SGCZ: variants seen among roughly 807,000 people sequenced by gnomAD.
SGCZ encodes sarcoglycan zeta.
In SGCZ, 40 loss-of-function variants were observed where a neutral mutation model predicts 41.3. That is an observed-to-expected ratio of 0.97 (90% CI 0.75 to 1.26). The LOEUF is 1.26. SGCZ is among the 50% of genes most tolerant of loss of function. The pLI, the probability that SGCZ is intolerant of heterozygous loss-of-function variation, is 0.00. For synonymous variants in SGCZ, 206 were observed against 137.5 expected (o/e 1.50, Z -3.49); for missense variants, 552 against 369.8 (o/e 1.49, Z -4.04).
At chr8:14,192,845 A>G (rs187660559) in intron 4 of SGCZ, among the ~76,000 whole-genome samples, 2 of 152,252 alleles carry the variant, frequency 1.3e-5, no homozygotes, top group Admixed American at 1.3e-4. Context: ...GCCTGAAATA[A>G]TGTAATAGAA....
At chr8:15,111,715 C>A (rs1465926422) in intron 1 of SGCZ, among the ~76,000 whole-genome samples, 3 of 152,038 alleles carry the variant, frequency 2.0e-5, no homozygotes, top group Non-Finnish European at 2.9e-5. Flanking sequence ...TCCTGGCCAA[C>A]ATGGTGAAAC....
intron 1 of SGCZ, among the ~76,000 whole-genome samples, chr8:14,855,619 T>C (rs535476261): frequency 3.9e-5 from 6 of 152,156 alleles, no homozygotes; most frequent in Non-Finnish European, 4.4e-5. Flanking sequence ...AGGCCAACTC[T>C]AAAAAGTTAT....
At chr8:15,101,021 T>G (rs553895276) in intron 1 of SGCZ, among the ~76,000 whole-genome samples, 1 of 151,748 alleles carries the variant, frequency 6.6e-6, no homozygotes, top group South Asian at 2.1e-4. Flanking sequence ...CCATTTGTAA[T>G]AAAAAACAAA....
chr8:15,171,886 A>T (rs773661723), intron 1 of SGCZ, among the ~76,000 whole-genome samples: 26 of 152,236 alleles, frequency 1.7e-4, no homozygotes, highest in Non-Finnish European at 3.7e-4. Flanking sequence ...CTTCACCTAA[A>T]TGGCTTGTAA....
At chr8:14,101,591 T>A (rs1344411996) in intron 7 of SGCZ, among the ~76,000 whole-genome samples, 1 of 152,154 alleles carries the variant, frequency 6.6e-6, no homozygotes, top group African/African-American at 2.4e-5. Flanking sequence ...TAAAGGAAAT[T>A]CTTGGGGAAT....
intron 4 of SGCZ, among the ~76,000 whole-genome samples, chr8:14,230,766 T>G (rs7461253): frequency 0.36 from 31,782 of 88,682 alleles, 4,580 homozygotes; most frequent in Non-Finnish European, 0.48. Context: ...TTGGTGGTGG[T>G]GGGGGGGTGG....
At position 14,514,875 on chromosome 8, in the gene SGCZ, G is replaced by A. The variant is rs112893254; in HGVS notation, c.234+39857C>T. Among the ~76,000 whole-genome samples, 578 of 148,296 alleles carry A rather than the reference G, an allele frequency of 3.9e-3. 7 individuals carry two copies. Among genetic ancestry groups the A allele is most frequent in the African/African-American group, 0.013 (541 of 40,616 alleles). On this transcript the variant is annotated intron_variant, in intron 2 of 7. Transcript: ENST00000382080. Reference sequence around the variant, plus strand: ...ATATGAACCCATAGACAGAAATTACGAAAATATTACTTTATTTCCATTTGT... The same window carrying A: ...ATATGAACCCATAGACAGAAATTACAAAAATATTACTTTATTTCCATTTGT...
chr8:14,620,339 G>C (rs182869496), intron 1 of SGCZ, among the ~76,000 whole-genome samples: 1 of 152,106 alleles, frequency 6.6e-6, no homozygotes, highest in Admixed American at 6.5e-5. Context: ...AAAAACCCTA[G>C]AAGAAAACCT....
intron 3 of SGCZ, among the ~76,000 whole-genome samples, chr8:14,308,567 C>T (rs566189005): frequency 5.9e-5 from 9 of 151,726 alleles, no homozygotes; most frequent in East Asian, 1.9e-4. Flanking sequence ...CTTTATACTG[C>T]TTGTGTTTGT....
intron 1 of SGCZ, among the ~76,000 whole-genome samples, chr8:14,870,893 T>G (rs1804123330): frequency 6.6e-6 from 1 of 152,052 alleles, no homozygotes; most frequent in African/African-American, 2.4e-5. Flanking sequence ...CTCACGCCAG[T>G]CAGAATGGCC....
chr8:14,656,206 AAGTGTCTTTATCCAGAGAT>A (rs1807562996), intron 1 of SGCZ, among the ~76,000 whole-genome samples: 2 of 82,154 alleles, frequency 2.4e-5, no homozygotes, highest in African/African-American at 7.9e-5. Flanking sequence ...AGCAGAGATA[AAGTGTCTTTATCCAGAGAT>A]AAAGTGTTTC....
At chr8:14,754,030 A>T (rs1799581877) in intron 1 of SGCZ, among the ~76,000 whole-genome samples, 2 of 152,154 alleles carry the variant, frequency 1.3e-5, no homozygotes, top group Admixed American at 1.3e-4. Flanking sequence ...AGGAAAAAAA[A>T]AGTTTGTTGC....
intron 3 of SGCZ, among the ~76,000 whole-genome samples, chr8:14,317,913 G>A (rs1056825968): frequency 6.6e-6 from 1 of 151,674 alleles, no homozygotes; most frequent in African/African-American, 2.4e-5. Flanking sequence ...AAGACAAAAT[G>A]CACGATAGGC....
At chr8:14,112,451 G>A (rs1326567880) in intron 5 of SGCZ, among the ~76,000 whole-genome samples, 1 of 151,940 alleles carries the variant, frequency 6.6e-6, no homozygotes, top group Non-Finnish European at 1.5e-5. Flanking sequence ...TTCAGGTCCA[G>A]GGATATTTTT....
intron 4 of SGCZ, among the ~76,000 whole-genome samples, chr8:14,231,659 A>G (rs899852708): frequency 2.6e-5 from 4 of 152,044 alleles, no homozygotes; most frequent in Admixed American, 6.6e-5. Flanking sequence ...TGAATCCAGC[A>G]TTCTTTAAAG....
At chr8:14,775,460 A>ACTGTGT (rs1358479725) in intron 1 of SGCZ, among the ~76,000 whole-genome samples, 2,556 of 149,290 alleles carry the variant, frequency 0.017, 36 homozygotes, top group Middle Eastern at 0.034. Context: ...AGAATATTTG[A>ACTGTGT]GTGTGTGTGT....
chr8:14,567,102 C>A (rs924970046), intron 1 of SGCZ, among the ~76,000 whole-genome samples: 1 of 152,220 alleles, frequency 6.6e-6, no homozygotes, highest in African/African-American at 2.4e-5. Context: ...GACCTGCAGC[C>A]CGCCATGCCT....
chr8:14,739,548 A>G (rs1799139259), intron 1 of SGCZ, among the ~76,000 whole-genome samples: 1 of 152,030 alleles, frequency 6.6e-6, no homozygotes, highest in Admixed American at 6.6e-5. Context: ...CACACCACAA[A>G]ACTCTAAAGC....
intron 1 of SGCZ, among the ~76,000 whole-genome samples, chr8:15,107,535 T>C (rs1416389969): frequency 1.3e-5 from 2 of 152,140 alleles, no homozygotes; most frequent in African/African-American, 4.8e-5. Context: ...CCCAGTCCCC[T>C]TCTACTTTTT....
Sources: allele counts gnomAD v4.1 joint callset (sites outside exome capture counted in the v4.1 genomes callset), GRCh38; gene constraint gnomAD v4.1.1; transcripts MANE v1.5; gene names NCBI Gene and HGNC (gene_info 2026-07-23, HGNC 2026-07-21).